PHOSPHO1: variants seen among roughly 807,000 people sequenced by gnomAD.
PHOSPHO1 encodes phosphoethanolamine/phosphocholine phosphatase 1, also known as phosphoethanolamine/phosphocholine phosphatase.
PHOSPHO1 carries 6 observed loss-of-function variants against 17.7 expected under a neutral mutation model. The observed-to-expected ratio is 0.34, with a 90% confidence interval of 0.19 to 0.67. The LOEUF is 0.67. Ranked by LOEUF, PHOSPHO1 falls within the 30% of genes least tolerant of loss-of-function variation. The pLI is 0.69. For missense variants in PHOSPHO1, 330 were observed against 392.1 expected, an observed-to-expected ratio of 0.84 and a Z score of 1.34; for synonymous variants, 159 against 174.6, an observed-to-expected ratio of 0.91 and a Z score of 0.71.
chr17:49,224,144 C>A lies in PHOSPHO1; in HGVS notation c.*102G>T. Reference sequence around the variant, plus strand: ...TCCAGAAATTCCCAGAGGGACATAACAAAGCCAAAGGGAAAAGGGAGTAGT... The same window carrying A: ...TCCAGAAATTCCCAGAGGGACATAAAAAAGCCAAAGGGAAAAGGGAGTAGT... On this transcript the variant is annotated 3_prime_UTR_variant, in exon 3 of 3. Transcript: ENST00000310544. The A allele has an allele frequency of 7.1e-7, 1 of 1,414,856 alleles. No individual in the cohort carries two copies. The highest frequency in any genetic ancestry group is 1.5e-5 in the South Asian group (1 of 67,192). The allele number at this position is 1,414,856 out of a possible 1,614,324, so 87.6% of individuals were successfully genotyped here.
chr17:49,224,534 G>A lies in PHOSPHO1; in HGVS notation c.516C>T (p.Pro172=), dbSNP rs1325902891. 4 of 1,570,946 alleles carry A rather than the reference G, an allele frequency of 2.5e-6. No individual in the cohort carries two copies. The highest frequency in any genetic ancestry group is 2.4e-5 in the East Asian group (1 of 42,380). ...PFHTHSCARC[P]ANMCKHKVLS... ...GCACCTTGTGCTTGCACATGTTGGC[G>A]GGGCAGCGCGCGCAGCTGTGTGTGT... The change falls in exon 3 of 3, where the codon CCC becomes CCT. Residue 172 remains proline (P), a synonymous_variant. Coordinates refer to ENST00000310544, the MANE Select transcript of PHOSPHO1 (RefSeq NM_178500.4).
chr17:49,225,847 A>G, intron 2 of PHOSPHO1: 1 of 1,195,690 alleles, frequency 8.4e-7, no homozygotes, highest in Non-Finnish European at 1.1e-6. Context: ...GGGAGGGGCC[A>G]GGTAGTGGGG....
intron 1 of PHOSPHO1, among the ~76,000 whole-genome samples, chr17:49,228,717 G>A (rs530405231): frequency 6.6e-6 from 1 of 151,328 alleles, no homozygotes; most frequent in Admixed American, 6.6e-5. Context: ...GTGAACCCGG[G>A]AGGCGGAACT....
At chr17:49,227,116 T>G (rs974607493) in intron 1 of PHOSPHO1, among the ~76,000 whole-genome samples, 2 of 152,182 alleles carry the variant, frequency 1.3e-5, no homozygotes, top group Admixed American at 1.3e-4. Context: ...CTCTCACTAC[T>G]CATCAGTCAT....
Position 49,223,856 on chromosome 17 carries a change from G to C in PHOSPHO1, c.*390C>G, listed in dbSNP as rs1230260675. The C allele has an allele frequency of 5.3e-6, 1 of 189,174 alleles. No homozygotes were observed. The highest frequency in any genetic ancestry group is 1.1e-5 in the Non-Finnish European group (1 of 92,582). 11.7% of individuals were successfully genotyped at this position (189,174 alleles called of 1,614,324 possible). A position where few individuals can be genotyped will look rare whatever the true frequency, so the allele number is the denominator to read the frequency against. ...CCTGGGTTCCCTCCACAGTAGACTGGAGGAGGGGCGGTCACGCAGCCCGAG... is the reference window on the plus strand; with the variant it reads ...CCTGGGTTCCCTCCACAGTAGACTGCAGGAGGGGCGGTCACGCAGCCCGAG... On this transcript the variant is annotated 3_prime_UTR_variant, in exon 3 of 3. Transcript: ENST00000310544.
chr17:49,225,634 C>T (rs1020667986), intron 2 of PHOSPHO1: 2 of 1,291,762 alleles, frequency 1.5e-6, no homozygotes, highest in African/African-American at 3.0e-5. Context: ...CCTGTGCTGA[C>T]AGCTCATCAC....
Position 49,224,319 on chromosome 17 carries a change from CG to C in PHOSPHO1, c.730del (p.Arg244AlafsTer21). ...CGTTTCCCAGGGCACCACGCTGGCG[CG>C]GAACGAGCTGGGCTCGGCCTTCTGG... ...EAQKAEPSSF[R>X]ASVVPWETAA... On this transcript the variant is annotated frameshift_variant, in exon 3 of 3. Transcript: ENST00000310544. LOFTEE classifies it high-confidence loss of function. 6.3e-7 allele frequency: 1 copy of C among 1,592,788 alleles called. No individual in the cohort carries two copies. The highest frequency in any genetic ancestry group is 8.5e-7 in the Non-Finnish European group (1 of 1,173,258).
In PHOSPHO1 at chr17:49,224,610, C is replaced by G. The variant is rs1423703925; in HGVS notation, c.440G>C (p.Ser147Thr). The stretch of plus-strand genomic sequence containing the variant: ...CCGCGCATCCGGCCCCGACGGGTTG[C>G]TGAGGATGCGGCGGAACAGGCTGTG... Reference protein sequence around the residue: ...GHHSLFRRILSNPSGPDARGL... With the variant: ...GHHSLFRRILTNPSGPDARGL... Residue 147 changes from serine to threonine, a missense_variant, in exon 3 of 3, where the codon AGC (serine) becomes ACC (threonine). By Grantham distance (58) the Ser-to-Thr change is moderately conservative (BLOSUM62 1). Transcript: ENST00000310544. 1 of 1,578,564 alleles carries G rather than the reference C, an allele frequency of 6.3e-7. No homozygotes were observed. Among genetic ancestry groups the G allele is most frequent in the African/African-American group, 1.3e-5 (1 of 74,536 alleles).
intron 2 of PHOSPHO1, chr17:49,225,892 G>C: frequency 8.7e-7 from 1 of 1,155,872 alleles, no homozygotes; most frequent in Non-Finnish European, 1.1e-6. Context: ...CTGAGAGGAG[G>C]TCATTCTAGG....
chr17:49,224,343 T>C lies in PHOSPHO1; in HGVS notation c.707A>G (p.Gln236Arg). The C allele has an allele frequency of 3.2e-6, 5 of 1,578,126 alleles. No homozygotes were observed. The highest frequency in any genetic ancestry group is 2.3e-5 in the South Asian group (2 of 87,478). Reference protein sequence around the residue: ...YPMHRLIQEAQKAEPSSFRAS... With the variant: ...YPMHRLIQEARKAEPSSFRAS... ...GCGGAACGAGCTGGGCTCGGCCTTC[T>C]GGGCCTCCTGAATGAGGCGGTGCAT... Residue 236 changes from glutamine (Q) to arginine (R), a missense_variant, in exon 3 of 3, where the codon CAG becomes CGG. By Grantham distance (43) the Gln-to-Arg change is conservative. Transcript: ENST00000310544.
Position 49,224,858 on chromosome 17 carries a change from G to C in PHOSPHO1, c.192C>G (p.Arg64=). ...RLPESLRATY[R]EGFYNEYMQR... is the part of the protein sequence containing the mutation. ...GCATGTACTCGTTGTAGAAGCCCTCGCGGTAGGTGGCTCGCAGGCTCTCCG... is the reference window on the plus strand; with the variant it reads ...GCATGTACTCGTTGTAGAAGCCCTCCCGGTAGGTGGCTCGCAGGCTCTCCG... The change falls in exon 3 of 3, where the codon CGC becomes CGG. Residue 64 remains arginine (R), a synonymous_variant. Transcript: ENST00000310544. The C allele has an allele frequency of 2.5e-6, 4 of 1,606,936 alleles. No homozygotes were observed. Among genetic ancestry groups the C allele is most frequent in the Non-Finnish European group, 3.4e-6 (4 of 1,177,200 alleles).
chr17:49,228,650 T>C (rs1490674120), intron 1 of PHOSPHO1, among the ~76,000 whole-genome samples: 2 of 151,266 alleles, frequency 1.3e-5, no homozygotes, highest in East Asian at 3.9e-4. Context: ...ATTAGCTGGG[T>C]GTGGTGGCGG....
intron 1 of PHOSPHO1, among the ~76,000 whole-genome samples, chr17:49,228,415 TG>T (rs1418895774): frequency 6.6e-6 from 1 of 152,030 alleles, no homozygotes; most frequent in Non-Finnish European, 1.5e-5. Flanking sequence ...CCCAACACTT[TG>T]GGAGGCGAGG....
intron 2 of PHOSPHO1, 101 bp from the exon 3 acceptor site, chr17:49,225,105 G>A: frequency 2.1e-6 from 3 of 1,442,378 alleles, no homozygotes; most frequent in Non-Finnish European, 2.7e-6. Flanking sequence ...AGCGGGCCAC[G>A]GCCAGAGGCG....
intron 1 of PHOSPHO1, among the ~76,000 whole-genome samples, chr17:49,229,953 G>A (rs1418529736): frequency 1.3e-5 from 2 of 152,212 alleles, no homozygotes; most frequent in African/African-American, 2.4e-5. Context: ...GGAGACTCCA[G>A]TGGGCAGGGA....
Position 49,224,836 on chromosome 17 carries a change from T to G in PHOSPHO1, c.214A>C (p.Met72Leu), listed in dbSNP as rs778769225. The G allele has an allele frequency of 3.7e-6, 6 of 1,605,970 alleles. No homozygotes were observed. In the East Asian group the frequency reaches 9.0e-5, roughly 24 times the overall value. ...CCCAGGTACTTGAAGACGCGCTGCA[T>G]GTACTCGTTGTAGAAGCCCTCGCGG... ...TYREGFYNEYMQRVFKYLGEQ... is the reference protein window; with the variant it reads ...TYREGFYNEYLQRVFKYLGEQ... The change falls in exon 3 of 3, where the codon ATG becomes CTG. Residue 72 changes from methionine (M) to leucine (L), a missense_variant. By Grantham distance (15) the Met-to-Leu change is conservative (BLOSUM62 2). Coordinates refer to ENST00000310544, the MANE Select transcript of PHOSPHO1 (RefSeq NM_178500.4).
intron 1 of PHOSPHO1, among the ~76,000 whole-genome samples, chr17:49,227,468 C>T (rs1377878694): frequency 6.6e-6 from 1 of 152,160 alleles, no homozygotes; most frequent in Non-Finnish European, 1.5e-5. Flanking sequence ...CCACCTACAG[C>T]TTCCAGTGCC....
intron 1 of PHOSPHO1, among the ~76,000 whole-genome samples, chr17:49,229,585 C>T (rs2043393236): frequency 6.6e-6 from 1 of 152,034 alleles, no homozygotes; most frequent in Non-Finnish European, 1.5e-5. Flanking sequence ...AGATGGAGTT[C>T]CTAGAAAAGT....
chr17:49,228,975 C>T, intron 1 of PHOSPHO1: 1 of 48,826 alleles, frequency 2.0e-5, no homozygotes. Context: ...CACACACACA[C>T]ACACACACAC....
Sources: gnomAD v4.1 joint callset for allele counts (sites outside exome capture counted in the v4.1 genomes callset) on GRCh38, gnomAD v4.1.1 for gene constraint, MANE v1.5 for transcripts, NCBI Gene and HGNC (gene_info 2026-07-23, HGNC 2026-07-21) for gene names.